The following NDUFA13 variants were observed in gnomAD, a reference collection of about 807,000 sequenced individuals.
NDUFA13 encodes the protein NADH dehydrogenase [ubiquinone] 1 alpha subcomplex subunit 13.
In NDUFA13, 16 loss-of-function variants were observed where a neutral mutation model predicts 17.0. The observed-to-expected ratio is 0.94, with a 90% CI of 0.64 to 1.43. The LOEUF is 1.43. Among genes scored for constraint, NDUFA13 ranks in the 40% most tolerant of loss-of-function variants. NDUFA13 has a pLI of 0.00. For synonymous variants in NDUFA13, 87 were observed against 78.4 expected (o/e 1.11, Z -0.58); for missense variants, 228 against 206.7 (o/e 1.10, Z -0.63).
At position 19,528,196 on chromosome 19, in the gene NDUFA13, T is replaced by C; in HGVS notation, c.*70T>C. The C allele has an allele frequency of 6.3e-7, 1 of 1,597,178 alleles. No homozygotes were observed. The highest frequency in any genetic ancestry group is 8.5e-7 in the Non-Finnish European group (1 of 1,176,968). The stretch of plus-strand genomic sequence containing the variant: ...GGACGGAATAAATGCTCTGCAGACC[T>C]GGCCTGCCTGTTTTCCTGGGGACTG... On this transcript the variant is annotated 3_prime_UTR_variant, in exon 5 of 5. Coordinates refer to ENST00000507754, the MANE Select transcript of NDUFA13 (RefSeq NM_015965.7).
At chr19:19,517,087 TAA>T (rs766842139) in intron 1 of NDUFA13, among the ~76,000 whole-genome samples, 103 of 151,628 alleles carry the variant, frequency 6.8e-4, no homozygotes, top group Non-Finnish European at 1.2e-3. Flanking sequence ...ATGCCCGGCG[TAA>T]AGTTTTCAAA....
intron 1 of NDUFA13, among the ~76,000 whole-genome samples, chr19:19,518,734 T>G (rs1386535668): frequency 8.3e-6 from 1 of 120,608 alleles, no homozygotes; most frequent in South Asian, 2.4e-4. Context: ...CTGCGATTTT[T>G]TTTTTTTTTT....
chr19:19,517,066 C>T (rs1381367267), intron 1 of NDUFA13, among the ~76,000 whole-genome samples: 1 of 152,078 alleles, frequency 6.6e-6, no homozygotes, highest in African/African-American at 2.4e-5. Context: ...GGATTACAGG[C>T]GTGAGCCACC....
At chr19:19,517,502 G>A (rs2061055508) in intron 1 of NDUFA13, among the ~76,000 whole-genome samples, 1 of 152,064 alleles carries the variant, frequency 6.6e-6, no homozygotes, top group Non-Finnish European at 1.5e-5. Context: ...ATGAGCTACC[G>A]TGCTCGGCAG....
chr19:19,521,703 C>T (rs1011061742), intron 1 of NDUFA13, among the ~76,000 whole-genome samples: 9 of 137,402 alleles, frequency 6.6e-5, no homozygotes, highest in African/African-American at 2.0e-4. Flanking sequence ...CCCGGGTTCA[C>T]GCCATTCTCC....
At chr19:19,527,940 G>T in intron 4 of NDUFA13, 67 bp from the exon 5 acceptor site, 1 of 1,585,572 alleles carries the variant, frequency 6.3e-7, no homozygotes. Context: ...ACTGATCCTG[G>T]GGGATGGGTC....
rs370276195 is a variant in NDUFA13, at chr19:19,527,790, G to T, written c.315+20G>T. The T allele has an allele frequency of 6.4e-7, 1 of 1,550,950 alleles. No homozygotes were observed. The highest frequency in any genetic ancestry group is 8.7e-7 in the Non-Finnish European group (1 of 1,146,340). On this transcript the variant is annotated intron_variant, in intron 4 of 4. Transcript: ENST00000507754. ...TGGAAGGTGGGTCCCGGCTGGGAGG[G>T]CAGAGGTGCCAGCCACGGCAGAGAC...
At chr19:19,525,478 G>C (rs2061095786) in intron 1 of NDUFA13, among the ~76,000 whole-genome samples, 1 of 152,198 alleles carries the variant, frequency 6.6e-6, no homozygotes, top group African/African-American at 2.4e-5. Context: ...ACTGGAGCCT[G>C]GCCTACCTGA....
intron 2 of NDUFA13, chr19:19,526,579 G>C: frequency 2.4e-6 from 1 of 409,380 alleles, no homozygotes; most frequent in Non-Finnish European, 4.6e-6. Context: ...TGTCTAGTGA[G>C]GAGGGTTGGG....
At chr19:19,519,071 A>AG (rs1294735488) in intron 1 of NDUFA13, among the ~76,000 whole-genome samples, 1 of 63,222 alleles carries the variant, frequency 1.6e-5, no homozygotes, top group African/African-American at 1.1e-4. Flanking sequence ...TTGTATTTTT[A>AG]GTAGTGACAG....
chr19:19,527,355 A>G lies in NDUFA13; in HGVS notation c.245+3A>G. ...TTACAGGCAGAAACCGACCGGAGGT[A>G]GCACCGCAGGGGCCAAGGTTGGGAG... On this transcript the variant is annotated splice_donor_region_variant and intron_variant, in intron 3 of 4. Transcript: ENST00000507754. The G allele has an allele frequency of 6.2e-7, 1 of 1,613,792 alleles. No individual in the cohort carries two copies. The highest frequency in any genetic ancestry group is 8.5e-7 in the Non-Finnish European group (1 of 1,180,000).
chr19:19,524,548 G>T (rs543409767), intron 1 of NDUFA13, among the ~76,000 whole-genome samples: 1 of 152,152 alleles, frequency 6.6e-6, no homozygotes, highest in Non-Finnish European at 1.5e-5. Context: ...GGCCGGGCAC[G>T]GTGGCTCACG....
rs2061068435 is a variant in NDUFA13, at chr19:19,519,866, G to A, written c.94+3534G>A. Among the ~76,000 whole-genome samples, 3 of 152,102 alleles carry A rather than the reference G, an allele frequency of 2.0e-5. No individual in the cohort carries two copies. In the South Asian group the frequency reaches 6.2e-4, roughly 32 times the overall value. On this transcript the variant is annotated intron_variant, in intron 1 of 4. Transcript: ENST00000507754. ...TCTGTGCTCCTGTCCAAGGCCTGGT[G>A]GCCCCAAGCCTGGCACCCACTCCCT...
chr19:19,520,846 A>G (rs4808965), intron 1 of NDUFA13, among the ~76,000 whole-genome samples: 65,406 of 152,004 alleles, frequency 0.43, 15,442 homozygotes, highest in African/African-American at 0.62. Context: ...CCTATCAGTG[A>G]AGTCATAGAC....
chr19:19,521,437 C>G (rs2061077062), intron 1 of NDUFA13, among the ~76,000 whole-genome samples: 1 of 152,350 alleles, frequency 6.6e-6, no homozygotes, highest in African/African-American at 2.4e-5. Flanking sequence ...AGGCTGGTGT[C>G]GAACTCCTGG....
chr19:19,521,120 C>T (rs749034824), intron 1 of NDUFA13, among the ~76,000 whole-genome samples: 1 of 152,204 alleles, frequency 6.6e-6, no homozygotes, highest in Non-Finnish European at 1.5e-5. Context: ...AATTGTTTTC[C>T]AAATTGGCTG....
intron 1 of NDUFA13, among the ~76,000 whole-genome samples, chr19:19,523,434 A>G (rs1451873674): frequency 6.7e-6 from 1 of 150,194 alleles, no homozygotes. Flanking sequence ...TATGAAAAAT[A>G]TATTTTTCTT....
intron 2 of NDUFA13, 117 bp from the exon 3 acceptor site, chr19:19,527,164 C>CGCCCCCCCCCCCCCCCCCCCG: frequency 9.9e-7 from 1 of 1,014,864 alleles, no homozygotes; most frequent in Non-Finnish European, 1.5e-6. Flanking sequence ...CCCTGCCTGC[C>CGCCCCCCCCCCCCCCCCCCCG]TCCCCGCCCC....
intron 1 of NDUFA13, among the ~76,000 whole-genome samples, chr19:19,518,589 G>T (rs1361862417): frequency 2.9e-5 from 4 of 135,704 alleles, no homozygotes; most frequent in Non-Finnish European, 6.3e-5. Flanking sequence ...TTTTAGACCA[G>T]GTCTTGCTCT....
Sources: allele counts gnomAD v4.1 joint callset (sites outside exome capture counted in the v4.1 genomes callset), GRCh38; gene constraint gnomAD v4.1.1; transcripts MANE v1.5; gene names NCBI Gene and HGNC (gene_info 2026-07-23, HGNC 2026-07-21).